The following CSMD1 variants were observed in gnomAD, a reference collection of about 807,000 sequenced individuals.
The protein encoded by CSMD1 is CUB and sushi domain-containing protein 1.
A neutral mutation model predicts 417.5 loss-of-function variants in CSMD1; 213 were observed. That is an observed-to-expected ratio of 0.51 (90% CI 0.46 to 0.57). The LOEUF (loss-of-function observed/expected upper bound fraction) is 0.57. CSMD1 is among the 20% of genes least tolerant of loss of function. The probability of loss-of-function intolerance (pLI) is 0.00; values close to 1 mark genes in which losing one functional copy is unlikely to be tolerated. For synonymous variants in CSMD1, 2,862 were observed against 1,736.8 expected (o/e 1.65, Z -16.11); for missense variants, 6,923 against 4,529.7 (o/e 1.53, Z -15.17).
intron 10 of CSMD1, among the ~76,000 whole-genome samples, chr8:3,497,272 T>C (rs186145129): frequency 6.6e-6 from 1 of 152,332 alleles, no homozygotes; most frequent in Admixed American, 6.5e-5. Context: ...ATTATTATAT[T>C]GGAGTCTATC....
intron 2 of CSMD1, among the ~76,000 whole-genome samples, chr8:4,498,519 T>A (rs557224353): frequency 9.8e-5 from 15 of 152,318 alleles, no homozygotes; most frequent in African/African-American, 3.4e-4. Context: ...TAAATTAAAT[T>A]GAATTTTAGG....
intron 5 of CSMD1, among the ~76,000 whole-genome samples, chr8:3,798,968 A>G (rs73658272): frequency 6.6e-6 from 1 of 152,030 alleles, no homozygotes; most frequent in Non-Finnish European, 1.5e-5. Context: ...ATCCATTTAT[A>G]TATATGGGTG....
rs115171507 is a variant in CSMD1, at chr8:4,320,761, C to T, written c.415+99192G>A. ...TTTTATTTACCCAGTCTATCATTGA[C>T]GGGCATTTGGATTGGTGATTCCTCA... On this transcript the variant is annotated intron_variant, in intron 3 of 69. Coordinates refer to ENST00000635120, the MANE Select transcript of CSMD1 (RefSeq NM_033225.6). Among the ~76,000 whole-genome samples the T allele has an allele frequency of 9.5e-3, 1,444 of 152,168 alleles. 23 individuals are homozygous for T. The highest frequency in any genetic ancestry group is 0.031 in the African/African-American group (1,298 of 41,518).
Position 3,671,032 on chromosome 8 carries a change from A to ATG in CSMD1, c.1009+37381_1009+37382insCA, listed in dbSNP as rs1436156540. ...ATATATATGTATATGGGATATATGCATATGGGATATATATGTATATAGGAT... is the reference window on the plus strand; with the variant it reads ...ATATATATGTATATGGGATATATGCATGTATGGGATATATATGTATATAGGAT... On this transcript the variant is annotated intron_variant, in intron 7 of 69. Transcript: ENST00000635120. Among the ~76,000 whole-genome samples, 213 of 35,574 alleles carry ATG rather than the reference A, an allele frequency of 6.0e-3. 2 individuals carry two copies. The highest frequency in any genetic ancestry group is 8.2e-3 in the South Asian group (11 of 1,336). The allele number at this position is 35,574 out of a possible 152,430, so 23.3% of individuals were successfully genotyped here.
chr8:4,588,900 G>A (rs935832565), intron 2 of CSMD1, among the ~76,000 whole-genome samples: 1 of 151,978 alleles, frequency 6.6e-6, no homozygotes, highest in Non-Finnish European at 1.5e-5. Context: ...ACACTCCAGG[G>A]TGCCCTTTCA....
chr8:3,952,042 A>G (rs556196530), intron 5 of CSMD1, among the ~76,000 whole-genome samples: 27 of 152,342 alleles, frequency 1.8e-4, no homozygotes, highest in Admixed American at 3.9e-4. Context: ...ATACTGACCT[A>G]GGTAAATAAT....
intron 1 of CSMD1, among the ~76,000 whole-genome samples, chr8:4,960,333 C>T (rs539064347): frequency 2.0e-5 from 3 of 152,250 alleles, no homozygotes; most frequent in South Asian, 4.1e-4. Context: ...AATGTTCTGA[C>T]ATCTTACTTA....
intron 3 of CSMD1, among the ~76,000 whole-genome samples, chr8:4,255,006 GT>G (rs1803356022): frequency 6.6e-6 from 1 of 152,180 alleles, no homozygotes; most frequent in Non-Finnish European, 1.5e-5. Context: ...ATCACTCAGA[GT>G]TATTTTCATC....
intron 2 of CSMD1, among the ~76,000 whole-genome samples, chr8:4,527,481 C>G (rs1289488182): frequency 6.6e-6 from 1 of 152,154 alleles, no homozygotes; most frequent in Non-Finnish European, 1.5e-5. Context: ...GGTGAGTTGT[C>G]AGTGTCAAGA....
At chr8:3,251,885 G>C (rs1247819907) in intron 26 of CSMD1, among the ~76,000 whole-genome samples, 3 of 152,152 alleles carry the variant, frequency 2.0e-5, no homozygotes, top group African/African-American at 7.2e-5. Context: ...TGGTGTATAA[G>C]AATGCTTGTG....
chr8:4,025,663 T>C (rs1406694684), intron 4 of CSMD1, among the ~76,000 whole-genome samples: 3 of 152,152 alleles, frequency 2.0e-5, no homozygotes, highest in Admixed American at 6.5e-5. Context: ...AAGACACAGA[T>C]CTTAAGTTGA....
intron 12 of CSMD1, among the ~76,000 whole-genome samples, chr8:3,466,090 C>A (rs1816777280): frequency 6.6e-6 from 1 of 152,038 alleles, no homozygotes; most frequent in Non-Finnish European, 1.5e-5. Flanking sequence ...AATGAAAATG[C>A]AAACAGAAAT....
At chr8:4,177,039 A>C (rs975182140) in intron 3 of CSMD1, among the ~76,000 whole-genome samples, 4 of 152,154 alleles carry the variant, frequency 2.6e-5, no homozygotes, top group African/African-American at 9.7e-5. Context: ...AAAGTCAACA[A>C]GGATATCCAG....
At chr8:4,214,188 G>T (rs1057438834) in intron 3 of CSMD1, among the ~76,000 whole-genome samples, 1 of 152,074 alleles carries the variant, frequency 6.6e-6, no homozygotes, top group African/African-American at 2.4e-5. Flanking sequence ...CTTTACATAG[G>T]ATACGGCTCA....
intron 2 of CSMD1, among the ~76,000 whole-genome samples, chr8:4,618,461 C>T (rs908000633): frequency 6.6e-6 from 1 of 151,670 alleles, no homozygotes; most frequent in Non-Finnish European, 1.5e-5. Flanking sequence ...GACCTAAGGC[C>T]TATTTTATAT....
At chr8:4,723,284 C>G (rs1020086045) in intron 1 of CSMD1, among the ~76,000 whole-genome samples, 5 of 152,170 alleles carry the variant, frequency 3.3e-5, no homozygotes, top group Non-Finnish European at 4.4e-5. Context: ...CACTGGCTAA[C>G]TGGGAATCAT....
At chr8:4,820,348 G>T (rs1369997093) in intron 1 of CSMD1, among the ~76,000 whole-genome samples, 1 of 152,154 alleles carries the variant, frequency 6.6e-6, no homozygotes, top group Non-Finnish European at 1.5e-5. Flanking sequence ...AAAAAGGTAA[G>T]AATGACTCAT....
chr8:3,797,066 C>T (rs1019111248), intron 5 of CSMD1, among the ~76,000 whole-genome samples: 71 of 151,804 alleles, frequency 4.7e-4, no homozygotes, highest in African/African-American at 1.7e-3. Flanking sequence ...CAATGTATCA[C>T]TTATTAAGAT....
chr8:3,524,930 TA>T (rs370759363), intron 10 of CSMD1, among the ~76,000 whole-genome samples: 27 of 149,848 alleles, frequency 1.8e-4, no homozygotes, highest in South Asian at 4.2e-4. Flanking sequence ...TCATGAAATG[TA>T]AAAAAAAAAT....
Sources: allele counts gnomAD v4.1 joint callset (sites outside exome capture counted in the v4.1 genomes callset), GRCh38; gene constraint gnomAD v4.1.1; transcripts MANE v1.5; gene names NCBI Gene and HGNC (gene_info 2026-07-23, HGNC 2026-07-21).